The following KHDRBS2 variants were observed in gnomAD, a reference collection of about 807,000 sequenced individuals.
KHDRBS2 encodes KH domain-containing, RNA-binding, signal transduction-associated protein 2.
KHDRBS2 carries 26 observed loss-of-function variants against 44.3 expected under a neutral mutation model. The observed-to-expected ratio is 0.59, with a 90% CI of 0.43 to 0.81. The LOEUF is 0.81. Ranked by LOEUF, KHDRBS2 falls within the 40% of genes least tolerant of loss-of-function variation. The pLI, the probability that KHDRBS2 is intolerant of heterozygous loss-of-function variation, is 0.00. For synonymous variants in KHDRBS2, 194 were observed against 151.1 expected (o/e 1.28, Z -2.08); for missense variants, 476 against 433.1 (o/e 1.10, Z -0.88).
At chr6:61,869,709 G>A (rs1479073781) in intron 6 of KHDRBS2, among the ~76,000 whole-genome samples, 12 of 152,104 alleles carry the variant, frequency 7.9e-5, no homozygotes, top group Non-Finnish European at 1.5e-4. Context: ...CATGGAGGGT[G>A]AGCCGAAGCA....
chr6:62,258,523 C>T (rs1837798343), intron 1 of KHDRBS2, among the ~76,000 whole-genome samples: 1 of 152,032 alleles, frequency 6.6e-6, no homozygotes, highest in African/African-American at 2.4e-5. Flanking sequence ...GCCAGACAAT[C>T]ATACATTGTC....
At chr6:61,726,802 C>T (rs907439679) in intron 7 of KHDRBS2, among the ~76,000 whole-genome samples, 3 of 152,140 alleles carry the variant, frequency 2.0e-5, no homozygotes, top group African/African-American at 4.8e-5. Context: ...ACATTCCATG[C>T]TTATGGATAG....
At chr6:62,103,392 G>A (rs1172611692) in intron 2 of KHDRBS2, among the ~76,000 whole-genome samples, 1 of 152,228 alleles carries the variant, frequency 6.6e-6, no homozygotes, top group Non-Finnish European at 1.5e-5. Context: ...GGTATGACAT[G>A]TCAGAACTGT....
the KHDRBS2 span, among the ~76,000 whole-genome samples, chr6:61,635,289 G>C: frequency 7.2e-5 from 11 of 151,954 alleles, no homozygotes; most frequent in Non-Finnish European, 7.4e-5. Flanking sequence ...TCATATCCAA[G>C]TCAGAATGAC....
the KHDRBS2 span, among the ~76,000 whole-genome samples, chr6:61,606,386 C>A: frequency 8.5e-5 from 13 of 152,110 alleles, no homozygotes; most frequent in Admixed American, 8.5e-4. Context: ...CAAAAATGAA[C>A]GGGCCAAGGG....
chr6:61,861,576 T>TC (rs1215016523), intron 6 of KHDRBS2, among the ~76,000 whole-genome samples: 1 of 150,890 alleles, frequency 6.6e-6, no homozygotes, highest in Non-Finnish European at 1.5e-5. Flanking sequence ...GGTCTATGTG[T>TC]CTTTTTTTTG....
chr6:61,639,333 T>C, the KHDRBS2 span, among the ~76,000 whole-genome samples: 3 of 152,266 alleles, frequency 2.0e-5, no homozygotes, highest in Middle Eastern at 0.01. Flanking sequence ...CTGCTTCTGC[T>C]GAATTATTTT....
intron 8 of KHDRBS2, 47 bp downstream of exon 8, chr6:61,697,148 C>T (rs1281677041): frequency 8.5e-7 from 1 of 1,173,172 alleles, no homozygotes; most frequent in Admixed American, 1.7e-5. Flanking sequence ...TTGTCGGTGA[C>T]TGATGGATGT....
the KHDRBS2 span, among the ~76,000 whole-genome samples, chr6:61,546,389 A>T: frequency 6.6e-6 from 1 of 152,116 alleles, no homozygotes; most frequent in Non-Finnish European, 1.5e-5. Flanking sequence ...CTCACCTGAG[A>T]TTATGTCCAG....
chr6:61,975,473 GTTC>G (rs1772392634), intron 4 of KHDRBS2, among the ~76,000 whole-genome samples: 1 of 152,112 alleles, frequency 6.6e-6, no homozygotes, highest in Non-Finnish European at 1.5e-5. Flanking sequence ...AAAATTGGCA[GTTC>G]ATTTTTGCCC....
chr6:61,805,869 G>A (rs1366075342), intron 6 of KHDRBS2, among the ~76,000 whole-genome samples: 4 of 152,220 alleles, frequency 2.6e-5, no homozygotes, highest in East Asian at 3.9e-4. Context: ...GATTTGGTAC[G>A]GACACAGAGC....
At chr6:61,929,311 G>C (rs2127365325) in intron 4 of KHDRBS2, among the ~76,000 whole-genome samples, 1 of 152,304 alleles carries the variant, frequency 6.6e-6, no homozygotes, top group East Asian at 1.9e-4. Context: ...TAGTAGTAAA[G>C]TCTTCATACT....
chr6:61,881,384 T>TTTTTTTTTTTTTTTTTTTGAG (rs1800186828), intron 6 of KHDRBS2, among the ~76,000 whole-genome samples: 1 of 151,972 alleles, frequency 6.6e-6, no homozygotes, highest in African/African-American at 2.4e-5. Flanking sequence ...GACCTTTTTT[T>TTTTTTTTTTTTTTTTTTTGAG]AATATTCAAA....
At chr6:61,970,092 G>A (rs1338931960) in intron 4 of KHDRBS2, among the ~76,000 whole-genome samples, 1 of 151,914 alleles carries the variant, frequency 6.6e-6, no homozygotes, top group Non-Finnish European at 1.5e-5. Context: ...ACTCATTTAT[G>A]TAGATAGAAA....
chr6:61,667,489 A>C, the KHDRBS2 span, among the ~76,000 whole-genome samples: 1 of 151,312 alleles, frequency 6.6e-6, no homozygotes, highest in African/African-American at 2.4e-5. Flanking sequence ...TTAAATTTGA[A>C]AAATGTCTCT....
intron 1 of KHDRBS2, among the ~76,000 whole-genome samples, chr6:62,232,218 A>G (rs573660907): frequency 6.6e-6 from 1 of 152,316 alleles, no homozygotes; most frequent in East Asian, 1.9e-4. Context: ...TATGTTAGGT[A>G]TCTAGACTTA....
chr6:62,131,725 A>G (rs1810369819), intron 2 of KHDRBS2, among the ~76,000 whole-genome samples: 1 of 152,196 alleles, frequency 6.6e-6, no homozygotes, highest in Non-Finnish European at 1.5e-5. Context: ...AAGCCTGTTG[A>G]TGCAACACAT....
chr6:61,567,330 G>A, the KHDRBS2 span, among the ~76,000 whole-genome samples: 7 of 152,202 alleles, frequency 4.6e-5, no homozygotes, highest in Admixed American at 1.3e-4. Flanking sequence ...TTTAGTCAAG[G>A]TGAGGGGGAA....
chr6:61,681,316 C>A (rs1405691523), intron 8 of KHDRBS2, among the ~76,000 whole-genome samples: 3 of 151,960 alleles, frequency 2.0e-5, no homozygotes, highest in East Asian at 2.0e-4. Context: ...CCCATAAAAT[C>A]TTTTTACATA....
Sources: gnomAD v4.1 joint callset for allele counts (sites outside exome capture counted in the v4.1 genomes callset) on GRCh38, gnomAD v4.1.1 for gene constraint, MANE v1.5 for transcripts, NCBI Gene and HGNC (gene_info 2026-07-23, HGNC 2026-07-21) for gene names.